The following FRMD4B variants were observed in gnomAD, a reference collection of about 807,000 sequenced individuals.
FRMD4B encodes FERM domain containing 4B, also known as FERM domain-containing protein 4B.
FRMD4B carries 74 observed loss-of-function variants against 141.5 expected under a neutral mutation model. That is an observed-to-expected ratio of 0.52 (90% CI 0.43 to 0.63). FRMD4B has a LOEUF of 0.63. Among genes scored for constraint, FRMD4B ranks in the 30% least tolerant of loss-of-function variants. The pLI, the probability that FRMD4B is intolerant of heterozygous loss-of-function variation, is 0.00. For missense variants in FRMD4B, 1,366 were observed against 1,253.4 expected, an observed-to-expected ratio of 1.09 and a Z score of -1.36; for synonymous variants, 506 against 467.9, an observed-to-expected ratio of 1.08 and a Z score of -1.05.
chr3:69,171,581 T>A lies in FRMD4B; in HGVS notation c.*280A>T, dbSNP rs1221055980. 5 of 282,276 alleles carry A rather than the reference T, an allele frequency of 1.8e-5. No individual in the cohort carries two copies. The highest frequency in any genetic ancestry group is 2.7e-5 in the Non-Finnish European group (4 of 150,236). 17.5% of individuals were successfully genotyped at this position (282,276 alleles called of 1,614,324 possible). A position where few individuals can be genotyped will look rare whatever the true frequency, so the allele number is the denominator to read the frequency against. On this transcript the variant is annotated 3_prime_UTR_variant, in exon 23 of 23. Transcript: ENST00000398540. ...TCCCTTAAAAAGTGCTTGCTATTGA[T>A]GAAGGCTTCACACTGAGTCCTCTCT...
chr3:69,460,805 T>C (rs1482272849), intron 1 of FRMD4B, among the ~76,000 whole-genome samples: 1 of 152,192 alleles, frequency 6.6e-6, no homozygotes, highest in Non-Finnish European at 1.5e-5. Context: ...AAGGGTCAGT[T>C]CTCTGCATAT....
At chr3:69,347,296 T>C (rs1005390145) in intron 1 of FRMD4B, among the ~76,000 whole-genome samples, 3 of 152,168 alleles carry the variant, frequency 2.0e-5, no homozygotes, top group African/African-American at 4.8e-5. Context: ...CCTAAATATA[T>C]ATGCACCCAA....
intron 2 of FRMD4B, among the ~76,000 whole-genome samples, chr3:69,422,218 C>A (rs1014345513): frequency 3.0e-4 from 45 of 152,062 alleles, no homozygotes; most frequent in Admixed American, 2.9e-3. Context: ...ATGGTGAAAC[C>A]CCGTCTCCAC....
At chr3:69,416,421 C>T (rs1378836380) in intron 2 of FRMD4B, among the ~76,000 whole-genome samples, 2 of 152,202 alleles carry the variant, frequency 1.3e-5, no homozygotes, top group African/African-American at 2.4e-5. Flanking sequence ...GCTGGGGCTA[C>T]AGGTGTGTGC....
chr3:69,450,710 T>A (rs1305526897), intron 1 of FRMD4B, among the ~76,000 whole-genome samples: 2 of 151,410 alleles, frequency 1.3e-5, no homozygotes, highest in African/African-American at 2.4e-5. Flanking sequence ...GCCAAGATTG[T>A]GCCATTGCAC....
At chr3:69,205,641 G>C (rs1378538745) in intron 11 of FRMD4B, among the ~76,000 whole-genome samples, 3 of 152,174 alleles carry the variant, frequency 2.0e-5, no homozygotes, top group Non-Finnish European at 4.4e-5. Flanking sequence ...CTGGAGGGGA[G>C]GATGCTACTA....
chr3:69,450,354 T>C (rs761006010), intron 1 of FRMD4B, among the ~76,000 whole-genome samples: 5 of 152,106 alleles, frequency 3.3e-5, no homozygotes, highest in Non-Finnish European at 5.9e-5. Flanking sequence ...CCAGGCATCA[T>C]GGCATGGGCC....
At chr3:69,201,607 G>T (rs922809505) in intron 11 of FRMD4B, among the ~76,000 whole-genome samples, 2 of 152,062 alleles carry the variant, frequency 1.3e-5, no homozygotes, top group Non-Finnish European at 2.9e-5. Context: ...TAATTGTAGT[G>T]GTACTTTATC....
chr3:69,395,494 C>T (rs1372269050), intron 2 of FRMD4B, among the ~76,000 whole-genome samples: 1 of 151,970 alleles, frequency 6.6e-6, no homozygotes, highest in Non-Finnish European at 1.5e-5. Context: ...ATATGAGCAA[C>T]AGGTTATAAA....
chr3:69,211,386 C>T (rs771880830), intron 11 of FRMD4B, among the ~76,000 whole-genome samples: 1 of 152,136 alleles, frequency 6.6e-6, no homozygotes, highest in Non-Finnish European at 1.5e-5. Flanking sequence ...ACACTACACA[C>T]TGGTTGAAAA....
At chr3:69,238,805 G>T (rs1403208092) in intron 7 of FRMD4B, among the ~76,000 whole-genome samples, 1 of 152,036 alleles carries the variant, frequency 6.6e-6, no homozygotes, top group African/African-American at 2.4e-5. Context: ...CAACAAAAAT[G>T]TTCCTTCCTT....
chr3:69,468,526 A>G (rs9809448), intron 1 of FRMD4B, among the ~76,000 whole-genome samples: 34,588 of 152,112 alleles, frequency 0.23, 5,152 homozygotes, highest in African/African-American at 0.42. Flanking sequence ...ACAGGGTCAG[A>G]AATGCAATAA....
intron 1 of FRMD4B, chr3:69,323,162 A>C (rs1049904221): frequency 1.2e-5 from 2 of 169,100 alleles, no homozygotes; most frequent in Non-Finnish European, 2.4e-5. Flanking sequence ...TCAGTTTGCC[A>C]AAGCTGAAAT....
intron 1 of FRMD4B, among the ~76,000 whole-genome samples, chr3:69,461,705 G>A (rs536793450): frequency 1.5e-4 from 22 of 151,624 alleles, no homozygotes; most frequent in African/African-American, 5.3e-4. Flanking sequence ...GTTAAGGGGT[G>A]TTTATAATAT....
intron 1 of FRMD4B, among the ~76,000 whole-genome samples, chr3:69,437,030 A>G (rs780413797): frequency 9.2e-5 from 14 of 152,098 alleles, no homozygotes; most frequent in Non-Finnish European, 1.6e-4. Flanking sequence ...TCAGTTCAGG[A>G]TGATGAAAAA....
At position 69,261,624 on chromosome 3, in the gene FRMD4B, A is replaced by G. The variant is rs144449458; in HGVS notation, c.502-11525T>C. On this transcript the variant is annotated intron_variant, in intron 5 of 22. Coordinates refer to ENST00000398540, the MANE Select transcript of FRMD4B (RefSeq NM_015123.3). ...ACTTCATACGTGGCTGGTGGACTCT[A>G]AGTTGGTATTGTTTTTGTTTTCTTT... Among the ~76,000 whole-genome samples, 356 of 152,240 alleles carry G rather than the reference A, an allele frequency of 2.3e-3. 1 individual carries two copies. Among genetic ancestry groups the G allele is most frequent in the African/African-American group, 8.3e-3 (344 of 41,546 alleles).
intron 1 of FRMD4B, among the ~76,000 whole-genome samples, chr3:69,458,439 T>C (rs1036964912): frequency 2.6e-5 from 4 of 152,194 alleles, no homozygotes; most frequent in African/African-American, 9.6e-5. Context: ...CATGGATTTC[T>C]GAGAAGACAA....
intron 2 of FRMD4B, among the ~76,000 whole-genome samples, chr3:69,417,334 G>C (rs1042831614): frequency 6.6e-6 from 1 of 151,996 alleles, no homozygotes; most frequent in African/African-American, 2.4e-5. Flanking sequence ...TATGTTTGTT[G>C]GCTGCATAAA....
intron 19 of FRMD4B, 68 bp downstream of exon 19, chr3:69,187,702 C>A: frequency 7.0e-7 from 1 of 1,420,348 alleles, no homozygotes; most frequent in Non-Finnish European, 9.7e-7. Flanking sequence ...ATCAACCATA[C>A]ATTGCATTTT....
Sources: gnomAD v4.1 joint callset for allele counts (sites outside exome capture counted in the v4.1 genomes callset) on GRCh38, gnomAD v4.1.1 for gene constraint, MANE v1.5 for transcripts, NCBI Gene and HGNC (gene_info 2026-07-23, HGNC 2026-07-21) for gene names.